Variants in WDR70 observed in about 807,000 individuals in gnomAD.
WDR70 encodes WD repeat-containing protein 70.
Under a neutral mutation model 88.6 loss-of-function variants are expected in WDR70, and 53 were observed. The observed-to-expected ratio is 0.60, with a 90% CI of 0.48 to 0.75. The LOEUF (loss-of-function observed/expected upper bound fraction) is 0.75, where lower values mean the gene tolerates loss of function less well. WDR70 is among the 30% of genes least tolerant of loss of function. WDR70 has a pLI of 0.00. For synonymous variants in WDR70, 280 were observed against 270.0 expected (o/e 1.04, Z -0.36); for missense variants, 610 against 823.2 (o/e 0.74, Z 3.17).
At chr5:37,583,791 A>T (rs572531854) in intron 9 of WDR70, among the ~76,000 whole-genome samples, 1 of 152,336 alleles carries the variant, frequency 6.6e-6, no homozygotes, top group African/African-American at 2.4e-5. Flanking sequence ...TTTAACATAC[A>T]TCACATTAGC....
intron 4 of WDR70, among the ~76,000 whole-genome samples, chr5:37,392,581 T>C (rs1261179582): frequency 1.3e-5 from 2 of 152,166 alleles, no homozygotes; most frequent in Admixed American, 1.3e-4. Flanking sequence ...ACTCCTGACA[T>C]GATCTGTCCG....
chr5:37,686,013 C>T (rs906422020), intron 10 of WDR70, among the ~76,000 whole-genome samples: 1 of 152,186 alleles, frequency 6.6e-6, no homozygotes, highest in South Asian at 2.1e-4. Context: ...GCAGCTGTTC[C>T]ACCCGGCTGC....
intron 9 of WDR70, among the ~76,000 whole-genome samples, chr5:37,545,099 A>G (rs1741945298): frequency 6.6e-6 from 1 of 152,210 alleles, no homozygotes; most frequent in Non-Finnish European, 1.5e-5. Flanking sequence ...TTGTGATATA[A>G]TATGTCTTGA....
chr5:37,489,351 G>A (rs1446724448), intron 8 of WDR70, among the ~76,000 whole-genome samples: 1 of 152,180 alleles, frequency 6.6e-6, no homozygotes, highest in South Asian at 2.1e-4. Context: ...ATTGTGCATG[G>A]TGTTGGTGAT....
intron 5 of WDR70, among the ~76,000 whole-genome samples, chr5:37,416,086 G>T (rs1749737002): frequency 6.6e-6 from 1 of 152,008 alleles, no homozygotes; most frequent in Non-Finnish European, 1.5e-5. Flanking sequence ...AGGCAGAGAC[G>T]CTCCTCACTT....
At chr5:37,673,588 C>CCA (rs1462390693) in intron 10 of WDR70, among the ~76,000 whole-genome samples, 1 of 104,850 alleles carries the variant, frequency 9.5e-6, no homozygotes, top group East Asian at 3.4e-4. Context: ...TTCTTACCCC[C>CCA]CCCCCACCCT....
At chr5:37,559,655 G>A (rs982550579) in intron 9 of WDR70, among the ~76,000 whole-genome samples, 3 of 152,024 alleles carry the variant, frequency 2.0e-5, no homozygotes, top group Admixed American at 2.0e-4. Flanking sequence ...GACCAGCCTG[G>A]CCAACATGGT....
At chr5:37,423,206 G>A (rs926670522) in intron 5 of WDR70, among the ~76,000 whole-genome samples, 13 of 152,138 alleles carry the variant, frequency 8.5e-5, no homozygotes, top group Admixed American at 8.5e-4. Flanking sequence ...AATTGACAAA[G>A]CTGAGGTTTG....
At chr5:37,411,360 T>G (rs190935171) in intron 5 of WDR70, among the ~76,000 whole-genome samples, 1 of 152,280 alleles carries the variant, frequency 6.6e-6, no homozygotes, top group East Asian at 1.9e-4. Flanking sequence ...CCATCCCAAA[T>G]AAGGTACAGA....
intron 10 of WDR70, among the ~76,000 whole-genome samples, chr5:37,686,141 C>G (rs994256589): frequency 6.6e-5 from 10 of 150,426 alleles, no homozygotes; most frequent in African/African-American, 2.4e-4. Context: ...CCCCCCGCCC[C>G]AGCTCTACAA....
At chr5:37,559,307 G>T (rs1263986428) in intron 9 of WDR70, among the ~76,000 whole-genome samples, 1 of 152,008 alleles carries the variant, frequency 6.6e-6, no homozygotes, top group East Asian at 1.9e-4. Context: ...AATTTGGCCT[G>T]GCATAATTTA....
At chr5:37,454,219 A>C (rs1179914799) in intron 7 of WDR70, among the ~76,000 whole-genome samples, 1 of 152,200 alleles carries the variant, frequency 6.6e-6, no homozygotes, top group Non-Finnish European at 1.5e-5. Context: ...CTTAAACCCT[A>C]TCAGTTCAGG....
intron 17 of WDR70, among the ~76,000 whole-genome samples, chr5:37,730,359 T>C (rs182044925): frequency 7.3e-4 from 111 of 152,298 alleles, no homozygotes; most frequent in African/African-American, 2.5e-3. Flanking sequence ...TAGCTTCTTT[T>C]CATCCCCCAT....
At chr5:37,389,393 T>C (rs1027845253) in intron 3 of WDR70, among the ~76,000 whole-genome samples, 11 of 151,126 alleles carry the variant, frequency 7.3e-5, no homozygotes, top group African/African-American at 2.7e-4. Flanking sequence ...CACGCCCGGC[T>C]TCAGGCCCAT....
intron 10 of WDR70, among the ~76,000 whole-genome samples, chr5:37,611,265 A>G (rs1744182339): frequency 6.7e-6 from 1 of 150,290 alleles, no homozygotes. Flanking sequence ...TTTGTTAACT[A>G]CTTTCTGTAG....
At position 37,479,899 on chromosome 5, in the gene WDR70, C is replaced by T. The variant is rs1329290744; in HGVS notation, c.752C>T (p.Ser251Phe). ...ATGATTCTTGTTGTATCTGGAAGCT[C>T]TCAGGCCAAGGTGATTGACAGAGAT... Reference protein sequence around the residue: ...GDMILVVSGSSQAKVIDRDGF... With the variant: ...GDMILVVSGSFQAKVIDRDGF... Residue 251 changes from serine to phenylalanine, a missense_variant, in exon 8 of 18, where the codon TCT (serine) becomes TTT (phenylalanine). Transcript: ENST00000265107. 6.2e-7 allele frequency: 1 copy of T among 1,614,094 alleles called. No individual in the cohort carries two copies.
intron 5 of WDR70, among the ~76,000 whole-genome samples, chr5:37,398,549 A>G (rs928348376): frequency 1.3e-5 from 2 of 152,250 alleles, no homozygotes; most frequent in African/African-American, 4.8e-5. Context: ...TTCTCAGTAC[A>G]TAGTACAGCA....
intron 10 of WDR70, among the ~76,000 whole-genome samples, chr5:37,654,218 G>A (rs1561052708): frequency 6.6e-6 from 1 of 152,114 alleles, no homozygotes; most frequent in Non-Finnish European, 1.5e-5. Flanking sequence ...AGTCATTCAG[G>A]CACAGTTTGT....
At chr5:37,713,737 G>A (rs1452915019) in intron 13 of WDR70, among the ~76,000 whole-genome samples, 5 of 152,178 alleles carry the variant, frequency 3.3e-5, no homozygotes, top group Admixed American at 6.5e-5. Flanking sequence ...TTCATAATGT[G>A]TAAACAAATA....
Sources: gnomAD v4.1 joint callset for allele counts (sites outside exome capture counted in the v4.1 genomes callset) on GRCh38, gnomAD v4.1.1 for gene constraint, MANE v1.5 for transcripts, NCBI Gene and HGNC (gene_info 2026-07-23, HGNC 2026-07-21) for gene names.